Variants in AP2A2 observed in about 807,000 individuals in gnomAD.
AP2A2 encodes the protein adaptor related protein complex 2 subunit alpha 2, also known as AP-2 complex subunit alpha-2.
Under a neutral mutation model 104.2 loss-of-function variants are expected in AP2A2, and 32 were observed. The ratio of observed to expected loss-of-function variants is 0.31; its 90% CI spans 0.23 to 0.41. The LOEUF (loss-of-function observed/expected upper bound fraction) is 0.41. AP2A2 is among the 10% of genes least tolerant of loss of function. The pLI, the probability that AP2A2 is intolerant of heterozygous loss-of-function variation, is 1.00. For missense variants in AP2A2, 912 were observed against 1,261.0 expected, an observed-to-expected ratio of 0.72 and a Z score of 4.19; for synonymous variants, 539 against 533.3, an observed-to-expected ratio of 1.01 and a Z score of -0.15.
intron 9 of AP2A2, 66 bp downstream of exon 9, chr11:987,019 C>G: frequency 1.3e-6 from 2 of 1,514,902 alleles, no homozygotes; most frequent in Non-Finnish European, 1.8e-6. Flanking sequence ...CCTGTGAAGG[C>G]TGGGGGTACG....
chr11:997,708 C>T (rs1855898326), intron 14 of AP2A2, among the ~76,000 whole-genome samples: 1 of 152,084 alleles, frequency 6.6e-6, no homozygotes, highest in Non-Finnish European at 1.5e-5. Context: ...AGTTTGAGAC[C>T]AGCCTGGCCA....
In AP2A2 at chr11:1,009,170, G is replaced by A; in HGVS notation, c.2491G>A (p.Glu831Lys). ...ITLNKFFQPT[E>K]MASQDFFQRW... ...TCTCAACAAATTCTTCCAGCCGACA[G>A]AAATGGCTTCTCAGGATTTCTTTCA... The change falls in exon 19 of 22, where the codon GAA (glutamate) becomes AAA (lysine). Residue 831 changes from glutamate (E) to lysine (K), a missense_variant. Coordinates refer to ENST00000448903, the MANE Select transcript of AP2A2 (RefSeq NM_012305.4). The A allele has an allele frequency of 6.2e-7, 1 of 1,613,822 alleles. No homozygotes were observed. The highest frequency in any genetic ancestry group is 1.1e-5 in the South Asian group (1 of 91,084).
intron 1 of AP2A2, among the ~76,000 whole-genome samples, chr11:931,007 A>G (rs924083696): frequency 1.3e-5 from 2 of 152,224 alleles, no homozygotes; most frequent in African/African-American, 4.8e-5. Context: ...CAGTCAAGAT[A>G]CAGAACTATA....
At chr11:1,002,654 C>A (rs889243984) in intron 15 of AP2A2, among the ~76,000 whole-genome samples, 4 of 152,256 alleles carry the variant, frequency 2.6e-5, no homozygotes, top group Non-Finnish European at 5.9e-5. Context: ...CTGCCCCTTG[C>A]CGTCTGTTGC....
At chr11:989,133 C>G (rs1464558056) in intron 10 of AP2A2, among the ~76,000 whole-genome samples, 2 of 152,164 alleles carry the variant, frequency 1.3e-5, no homozygotes, top group Non-Finnish European at 2.9e-5. Flanking sequence ...ACCAGCCTGA[C>G]AAACATGGGG....
rs1284909626 is a variant in AP2A2, at chr11:933,500, C to G, written c.67+7412C>G. On this transcript the variant is annotated intron_variant, in intron 1 of 21. Transcript: ENST00000448903. ...GTGGGATAGGTTGAGGTGGGTGTTC[C>G]CGTGTAGAAGTGGGGGCTGAAGCTG... is the stretch of plus-strand genomic sequence containing the variant. The G allele has an allele frequency of 1.1e-5, 5 of 435,714 alleles. No homozygotes were observed. The East Asian group carries it at 3.5e-4, about 31-fold the overall frequency. The allele number at this position is 435,714 out of a possible 1,614,324, so 27.0% of individuals were successfully genotyped here.
rs1023554450 is a variant in AP2A2 at position 968,651 on chromosome 11, G to A, written c.137-1518G>A. Reference sequence around the variant, plus strand: ...GGAATCTGGGCTGGGTAGGAGACACGGTGCTGGGGCTTCCCAGTGGAGGAT... The same window carrying A: ...GGAATCTGGGCTGGGTAGGAGACACAGTGCTGGGGCTTCCCAGTGGAGGAT... On this transcript the variant is annotated intron_variant, in intron 2 of 21. Transcript: ENST00000448903. The surrounding 1 kb of genome is among the most constrained non-coding windows in gnomAD (Gnocchi z 4.2). Among the ~76,000 whole-genome samples, 23 of 152,128 alleles carry A rather than the reference G, an allele frequency of 1.5e-4. No homozygotes were observed. Among genetic ancestry groups the A allele is most frequent in the African/African-American group, 4.8e-4 (20 of 41,432 alleles).
At chr11:986,994 G>T in intron 9 of AP2A2, 41 bp downstream of exon 9, 1 of 1,538,730 alleles carries the variant, frequency 6.5e-7, no homozygotes. Context: ...TCCCTGAGCA[G>T]GTGCCGTGGG....
At chr11:989,151 G>A (rs538702872) in intron 10 of AP2A2, among the ~76,000 whole-genome samples, 12 of 152,234 alleles carry the variant, frequency 7.9e-5, no homozygotes, top group Admixed American at 3.9e-4. Context: ...GGGAAACCCT[G>A]ACCCCGTCTC....
At chr11:1,006,496 G>T in intron 16 of AP2A2, 32 bp from the exon 17 acceptor site, 1 of 1,450,350 alleles carries the variant, frequency 6.9e-7, no homozygotes. Context: ...GTGAAATGGT[G>T]TGTGTGAAAA....
At chr11:945,942 CAT>C (rs753055983) in intron 1 of AP2A2, among the ~76,000 whole-genome samples, 61 of 152,136 alleles carry the variant, frequency 4.0e-4, no homozygotes, top group South Asian at 6.2e-4. Context: ...GTAGGAGTGA[CAT>C]GTGGAGGTTT....
chr11:952,754 T>C (rs971714233), intron 1 of AP2A2, among the ~76,000 whole-genome samples: 6 of 152,206 alleles, frequency 3.9e-5, no homozygotes, highest in African/African-American at 1.4e-4. Flanking sequence ...GTGGGTCAGT[T>C]ACTCTTGCTC....
intron 2 of AP2A2, among the ~76,000 whole-genome samples, chr11:960,566 C>T (rs149307778): frequency 0.11 from 16,043 of 150,778 alleles, 1,278 homozygotes; most frequent in South Asian, 0.34. Context: ...TTAGTAGAGA[C>T]GGGGTTTCTC....
At chr11:976,615 A>G (rs991113534) in intron 4 of AP2A2, among the ~76,000 whole-genome samples, 1 of 150,224 alleles carries the variant, frequency 6.7e-6, no homozygotes, top group African/African-American at 2.4e-5. Flanking sequence ...CCGTGTCTGT[A>G]GGGACCCGAA....
At chr11:988,343 G>C (rs1386894504) in intron 9 of AP2A2, among the ~76,000 whole-genome samples, 1 of 152,248 alleles carries the variant, frequency 6.6e-6, no homozygotes, top group East Asian at 1.9e-4. Flanking sequence ...AAGCTGGCCT[G>C]TGCGGGAGGG....
At chr11:991,501 T>C (rs1052354069) in intron 10 of AP2A2, among the ~76,000 whole-genome samples, 1 of 151,766 alleles carries the variant, frequency 6.6e-6, no homozygotes. Context: ...GGGTGGGAGG[T>C]ACCTTAGCAC....
chr11:1,009,903 T>G, intron 21 of AP2A2, 86 bp downstream of exon 21: 1 of 1,450,180 alleles, frequency 6.9e-7, no homozygotes, highest in South Asian at 1.3e-5. Flanking sequence ...AGCTCTTTAG[T>G]GCAGTTCAGT....
intron 18 of AP2A2, 41 bp downstream of exon 18, chr11:1,008,176 G>A: frequency 6.4e-7 from 1 of 1,555,746 alleles, no homozygotes; most frequent in Non-Finnish European, 8.7e-7. Context: ...GGGTGTGTGG[G>A]CGCCTGAGCT....
At chr11:987,767 G>A (rs1411879512) in intron 9 of AP2A2, among the ~76,000 whole-genome samples, 1 of 152,238 alleles carries the variant, frequency 6.6e-6, no homozygotes, top group Non-Finnish European at 1.5e-5. Context: ...GGGACCCTGC[G>A]GTGTGTCCAC....
Sources: gnomAD v4.1 joint callset for allele counts (sites outside exome capture counted in the v4.1 genomes callset) on GRCh38, gnomAD v4.1.1 for gene constraint, Gnocchi (gnomAD v3.1) non-coding constraint, MANE v1.5 for transcripts, NCBI Gene and HGNC (gene_info 2026-07-23, HGNC 2026-07-21) for gene names.